Variants in FCHSD2 observed in about 807,000 individuals in gnomAD.
FCHSD2 encodes F-BAR and double SH3 domains protein 2.
In FCHSD2, 38 loss-of-function variants were observed where a neutral mutation model predicts 108.1. The observed-to-expected ratio is 0.35, with a 90% CI of 0.27 to 0.46. The LOEUF is 0.46. Ranked by LOEUF, FCHSD2 falls within the 20% of genes least tolerant of loss-of-function variation. The pLI, the probability that FCHSD2 is intolerant of heterozygous loss-of-function variation, is 1.00. For missense variants in FCHSD2, 751 were observed against 897.8 expected, an observed-to-expected ratio of 0.84 and a Z score of 2.09; for synonymous variants, 279 against 314.7, an observed-to-expected ratio of 0.89 and a Z score of 1.20.
intron 3 of FCHSD2, among the ~76,000 whole-genome samples, chr11:73,055,941 T>C (rs1424449055): frequency 6.6e-6 from 1 of 152,186 alleles, no homozygotes; most frequent in Non-Finnish European, 1.5e-5. Flanking sequence ...ATAGTGGTGA[T>C]AGTTGCACAA....
intron 2 of FCHSD2, among the ~76,000 whole-genome samples, chr11:73,108,078 G>C (rs1860387785): frequency 6.6e-6 from 1 of 152,010 alleles, no homozygotes; most frequent in African/African-American, 2.4e-5. Context: ...GCCGGTGTTT[G>C]TTACTGTCTG....
At chr11:72,854,021 A>G (rs770699533) in intron 13 of FCHSD2, among the ~76,000 whole-genome samples, 49 of 152,332 alleles carry the variant, frequency 3.2e-4, no homozygotes, top group Admixed American at 6.5e-4. Context: ...ACAATGAGAT[A>G]CCATTTCACA....
At chr11:73,114,193 C>T (rs1268902684) in intron 2 of FCHSD2, among the ~76,000 whole-genome samples, 1 of 151,926 alleles carries the variant, frequency 6.6e-6, no homozygotes, top group African/African-American at 2.4e-5. Flanking sequence ...AGCAGAAGAG[C>T]TTCTCCCCAA....
At chr11:72,908,136 G>A (rs562414145) in intron 9 of FCHSD2, among the ~76,000 whole-genome samples, 2 of 152,270 alleles carry the variant, frequency 1.3e-5, no homozygotes, top group South Asian at 4.1e-4. Flanking sequence ...TGTGAAATTT[G>A]TCTTTCTGTG....
chr11:73,054,156 T>C (rs886931897), intron 3 of FCHSD2, among the ~76,000 whole-genome samples: 2 of 152,084 alleles, frequency 1.3e-5, no homozygotes, highest in South Asian at 2.1e-4. Context: ...AACAGCAATG[T>C]TGGGAAATTT....
chr11:73,118,906 A>T (rs1860667506), intron 2 of FCHSD2, among the ~76,000 whole-genome samples: 1 of 152,236 alleles, frequency 6.6e-6, no homozygotes, highest in African/African-American at 2.4e-5. Flanking sequence ...CCTCTCTTAG[A>T]CACATACTAC....
chr11:72,951,562 A>AT (rs1856620845), intron 8 of FCHSD2, among the ~76,000 whole-genome samples: 1 of 152,060 alleles, frequency 6.6e-6, no homozygotes, highest in South Asian at 2.1e-4. Flanking sequence ...ATTTATCACC[A>AT]TTTTCCCATA....
intron 8 of FCHSD2, among the ~76,000 whole-genome samples, chr11:72,959,882 GTGTA>G (rs1361645038): frequency 4.0e-5 from 6 of 151,524 alleles, no homozygotes; most frequent in African/African-American, 1.2e-4. Context: ...GTGTGTGTGT[GTGTA>G]TGTGTGATAT....
At chr11:72,860,332 TC>T (rs1190297070) in intron 13 of FCHSD2, among the ~76,000 whole-genome samples, 1 of 152,160 alleles carries the variant, frequency 6.6e-6, no homozygotes, top group Non-Finnish European at 1.5e-5. Flanking sequence ...AAATATACAT[TC>T]TTTTTTTTAA....
At chr11:73,000,673 T>A (rs1432238651) in intron 5 of FCHSD2, among the ~76,000 whole-genome samples, 4 of 152,164 alleles carry the variant, frequency 2.6e-5, no homozygotes, top group African/African-American at 9.7e-5. Flanking sequence ...TTGTAACTAT[T>A]CTAATACACA....
At chr11:73,118,731 C>A (rs550568010) in intron 2 of FCHSD2, among the ~76,000 whole-genome samples, 3 of 152,298 alleles carry the variant, frequency 2.0e-5, no homozygotes, top group African/African-American at 7.2e-5. Flanking sequence ...ATGGCAAACA[C>A]TAACTGAGCC....
intron 8 of FCHSD2, 39 bp downstream of exon 8, chr11:72,984,049 A>G: frequency 6.4e-7 from 1 of 1,554,112 alleles, no homozygotes; most frequent in Non-Finnish European, 8.8e-7. Context: ...TTTTGTTTTC[A>G]ATGAAGTAAA....
rs1857361520 is a variant in FCHSD2 at position 72,989,006 on chromosome 11, T to C, written c.479A>G (p.Gln160Arg). The C allele has an allele frequency of 6.2e-7, 1 of 1,612,450 alleles. No individual in the cohort carries two copies. The highest frequency in any genetic ancestry group is 1.3e-5 in the African/African-American group (1 of 74,936). The part of the protein sequence containing the change: ...KGKKKYFETE[Q>R]MAHAVREKAD... Reference sequence around the variant, plus strand: ...TTTCTCTCGTACTGCATGAGCCATCTGTTCAGTCTCAAAGTATTTCTTTTT... The same window carrying C: ...TTTCTCTCGTACTGCATGAGCCATCCGTTCAGTCTCAAAGTATTTCTTTTT... The change falls in exon 6 of 20, where the codon CAG becomes CGG. Residue 160 changes from glutamine (Q) to arginine (R), a missense_variant. Physicochemically the swap from Gln to Arg is conservative, Grantham distance 43 (BLOSUM62 1). Transcript: ENST00000409418.
At chr11:73,067,273 T>G (rs912744905) in intron 3 of FCHSD2, among the ~76,000 whole-genome samples, 1 of 151,236 alleles carries the variant, frequency 6.6e-6, no homozygotes, top group African/African-American at 2.4e-5. Context: ...TAAGTGGGAG[T>G]TGAACAATGA....
intron 2 of FCHSD2, among the ~76,000 whole-genome samples, chr11:73,133,855 C>T (rs372895283): frequency 8.7e-5 from 13 of 149,138 alleles, no homozygotes; most frequent in African/African-American, 3.0e-4. Context: ...CAAGATTCCA[C>T]TTCTATAGAG....
chr11:72,941,647 T>G (rs1026735818), intron 8 of FCHSD2, among the ~76,000 whole-genome samples: 57 of 152,164 alleles, frequency 3.7e-4, no homozygotes, highest in African/African-American at 1.3e-3. Flanking sequence ...TTCTTTACCT[T>G]CATCCAGATT....
chr11:73,041,591 TTTTGTTTG>T (rs201405233), intron 3 of FCHSD2, among the ~76,000 whole-genome samples: 7 of 152,218 alleles, frequency 4.6e-5, no homozygotes, highest in Non-Finnish European at 1.0e-4. Flanking sequence ...TATGGAGTTT[TTTTGTTTG>T]TTTGTTTGCT....
chr11:72,931,051 A>AATAT (rs147983751), intron 8 of FCHSD2, among the ~76,000 whole-genome samples: 23 of 146,644 alleles, frequency 1.6e-4, no homozygotes, highest in Admixed American at 2.8e-4. Context: ...GTGCCTCACA[A>AATAT]ATATATATAT....
intron 4 of FCHSD2, among the ~76,000 whole-genome samples, chr11:73,012,868 TTGCAA>T (rs1477928305): frequency 6.6e-6 from 1 of 152,222 alleles, no homozygotes; most frequent in African/African-American, 2.4e-5. Context: ...GCCAAATCAT[TTGCAA>T]GTCCTCTGGC....
Sources: gnomAD v4.1 joint callset for allele counts (sites outside exome capture counted in the v4.1 genomes callset) on GRCh38, gnomAD v4.1.1 for gene constraint, MANE v1.5 for transcripts, NCBI Gene and HGNC (gene_info 2026-07-23, HGNC 2026-07-21) for gene names.